The following MIPEP variants were observed in gnomAD, a reference collection of about 807,000 sequenced individuals.
The protein encoded by MIPEP is mitochondrial intermediate peptidase.
MIPEP carries 79 observed loss-of-function variants against 90.3 expected under a neutral mutation model. The observed-to-expected ratio is 0.87, with a 90% CI of 0.73 to 1.05. The LOEUF (loss-of-function observed/expected upper bound fraction) is 1.05, where lower values mean the gene tolerates loss of function less well. MIPEP is among the 50% of genes least tolerant of loss of function. MIPEP has a pLI of 0.00. For synonymous variants in MIPEP, 334 were observed against 315.8 expected (o/e 1.06, Z -0.61); for missense variants, 940 against 905.6 (o/e 1.04, Z -0.49).
chr13:23,829,754 G>C (rs1868646935), intron 14 of MIPEP, among the ~76,000 whole-genome samples: 1 of 152,000 alleles, frequency 6.6e-6, no homozygotes, highest in Non-Finnish European at 1.5e-5. Context: ...GGCCAGCCTG[G>C]GCAACCTAGC....
intron 18 of MIPEP, among the ~76,000 whole-genome samples, chr13:23,741,826 A>T (rs555136869): frequency 3.9e-4 from 37 of 95,152 alleles, no homozygotes; most frequent in South Asian, 2.2e-3. Context: ...AAAAAAATTT[A>T]AAAAAAAAAA....
intron 4 of MIPEP, among the ~76,000 whole-genome samples, chr13:23,875,795 CTA>C (rs1233665897): frequency 2.0e-5 from 3 of 152,192 alleles, no homozygotes; most frequent in African/African-American, 4.8e-5. Flanking sequence ...AAGATAATGA[CTA>C]TTAAAATTCT....
intron 15 of MIPEP, among the ~76,000 whole-genome samples, chr13:23,808,936 G>C (rs563513019): frequency 2.0e-5 from 3 of 152,298 alleles, no homozygotes; most frequent in African/African-American, 7.2e-5. Flanking sequence ...TGTTAAACAG[G>C]TAACTGAATC....
At chr13:23,786,472 G>A (rs34606600) in intron 16 of MIPEP, among the ~76,000 whole-genome samples, 31,810 of 151,904 alleles carry the variant, frequency 0.21, 3,956 homozygotes, top group East Asian at 0.43. Context: ...AAATCTTTTC[G>A]ATGTTAAAAA....
In MIPEP at chr13:23,853,607, C is replaced by T. The variant is rs1173022731; in HGVS notation, c.1106+5253G>A. On this transcript the variant is annotated intron_variant, in intron 10 of 18. Coordinates refer to ENST00000382172, the MANE Select transcript of MIPEP (RefSeq NM_005932.4). ...ACAAAGTCTCACTCTGTTGCCCAAACTGGAGTGCAGTGTCATTATCTCTGC... is the reference window on the plus strand; with the variant it reads ...ACAAAGTCTCACTCTGTTGCCCAAATTGGAGTGCAGTGTCATTATCTCTGC... Among the ~76,000 whole-genome samples, 3 of 151,316 alleles carry T rather than the reference C, an allele frequency of 2.0e-5. No individual in the cohort carries two copies. The East Asian group carries it at 5.8e-4, about 29-fold the overall frequency.
intron 10 of MIPEP, among the ~76,000 whole-genome samples, chr13:23,855,377 T>TG (rs1431796729): frequency 6.6e-6 from 1 of 152,122 alleles, no homozygotes; most frequent in South Asian, 2.1e-4. Context: ...TTTCTTTAGA[T>TG]GAACATTAAA....
At chr13:23,781,633 T>TACTC in intron 16 of MIPEP, among the ~76,000 whole-genome samples, 1 of 152,016 alleles carries the variant, frequency 6.6e-6, no homozygotes, top group East Asian at 1.9e-4. Flanking sequence ...ATGGGCTAAA[T>TACTC]GCTCCAATTA....
intron 7 of MIPEP, among the ~76,000 whole-genome samples, chr13:23,868,285 C>T (rs141812032): frequency 1.3e-3 from 194 of 152,140 alleles, no homozygotes; most frequent in African/African-American, 4.5e-3. Flanking sequence ...GAGAGTGACA[C>T]GAGCAAGGGA....
intron 7 of MIPEP, among the ~76,000 whole-genome samples, chr13:23,867,508 G>T (rs1870595869): frequency 6.6e-6 from 1 of 152,110 alleles, no homozygotes; most frequent in African/African-American, 2.4e-5. Context: ...TCCATGGCTT[G>T]TATTAACTAA....
At chr13:23,870,513 G>A (rs1439371162) in intron 5 of MIPEP, among the ~76,000 whole-genome samples, 1 of 151,986 alleles carries the variant, frequency 6.6e-6, no homozygotes, top group African/African-American at 2.4e-5. Flanking sequence ...TAACAACATT[G>A]AAAAACACAT....
Position 23,843,345 on chromosome 13 carries a change from G to A in MIPEP, c.1107-1857C>T, listed in dbSNP as rs371502345. ...AGGCAGGCAGGGGCCAGAAAACAGA[G>A]GGCCTGGTCCACTAAGCTGAGGAAC... On this transcript the variant is annotated intron_variant, in intron 10 of 18. Transcript: ENST00000382172. Among the ~76,000 whole-genome samples, 356 of 152,226 alleles carry A rather than the reference G, an allele frequency of 2.3e-3. 2 individuals carry two copies. The highest frequency in any genetic ancestry group is 8.1e-3 in the African/African-American group (337 of 41,532).
At chr13:23,783,667 G>C (rs1952806220) in intron 16 of MIPEP, among the ~76,000 whole-genome samples, 1 of 152,200 alleles carries the variant, frequency 6.6e-6, no homozygotes, top group Non-Finnish European at 1.5e-5. Flanking sequence ...AATAGTCCCT[G>C]TTTGCAGATG....
chr13:23,883,813 G>A (rs1871359511), intron 2 of MIPEP, among the ~76,000 whole-genome samples: 2 of 152,196 alleles, frequency 1.3e-5, no homozygotes, highest in African/African-American at 2.4e-5. Context: ...AACAGGGTAT[G>A]AAACCTCCTT....
At position 23,885,471 on chromosome 13, in the gene MIPEP, G is replaced by A. The variant is rs546608809; in HGVS notation, c.363+862C>T. On this transcript the variant is annotated intron_variant, in intron 2 of 18. Coordinates refer to ENST00000382172, the MANE Select transcript of MIPEP (RefSeq NM_005932.4). Reference sequence around the variant, plus strand: ...TAATTGGATTGTTTGTAACAGAAAGGATAAATGCTTGAGGGGATGGATACC... The same window carrying A: ...TAATTGGATTGTTTGTAACAGAAAGAATAAATGCTTGAGGGGATGGATACC... Among the ~76,000 whole-genome samples, 69 of 152,150 alleles carry A rather than the reference G, an allele frequency of 4.5e-4. 1 individual carries two copies. In the South Asian group the frequency reaches 0.014, roughly 30 times the overall value.
At chr13:23,745,114 T>C (rs559768486) in intron 18 of MIPEP, among the ~76,000 whole-genome samples, 7 of 152,218 alleles carry the variant, frequency 4.6e-5, no homozygotes, top group Non-Finnish European at 1.0e-4. Context: ...CTCTAACTTA[T>C]GTGATGGGTC....
At chr13:23,875,105 C>T (rs1264547560) in intron 4 of MIPEP, among the ~76,000 whole-genome samples, 196 bp from the exon 5 acceptor site, 1 of 151,168 alleles carries the variant, frequency 6.6e-6, no homozygotes, top group Non-Finnish European at 1.5e-5. Context: ...GATATTAAGG[C>T]AAACATCAGG....
At chr13:23,884,879 T>C (rs1871409627) in intron 2 of MIPEP, among the ~76,000 whole-genome samples, 5 of 152,186 alleles carry the variant, frequency 3.3e-5, no homozygotes, top group Non-Finnish European at 7.3e-5. Flanking sequence ...GGATCATAAA[T>C]GATCACTATT....
intron 2 of MIPEP, among the ~76,000 whole-genome samples, chr13:23,885,864 TAGG>T (rs1036233465): frequency 6.8e-5 from 10 of 147,742 alleles, no homozygotes; most frequent in African/African-American, 2.2e-4. Context: ...CACTTGGGGC[TAGG>T]AGTTCAAGAT....
chr13:23,840,428 A>G (rs1209519196), intron 11 of MIPEP, among the ~76,000 whole-genome samples: 1 of 152,238 alleles, frequency 6.6e-6, no homozygotes, highest in Non-Finnish European at 1.5e-5. Flanking sequence ...ACCCCGGTGG[A>G]GTGCACATTC....
Sources: gnomAD v4.1 joint callset for allele counts (sites outside exome capture counted in the v4.1 genomes callset) on GRCh38, gnomAD v4.1.1 for gene constraint, MANE v1.5 for transcripts, NCBI Gene and HGNC (gene_info 2026-07-23, HGNC 2026-07-21) for gene names.